Variants in ACYP2 observed in about 807,000 individuals in gnomAD.
ACYP2 encodes acylphosphatase 2.
A neutral mutation model predicts 11.2 loss-of-function variants in ACYP2; 12 were observed. The ratio of observed to expected loss-of-function variants is 1.08; its 90% confidence interval spans 0.69 to 1.74. The LOEUF is 1.74. Ranked by LOEUF, ACYP2 falls within the 40% of genes most tolerant of loss-of-function variation. The pLI, the probability that ACYP2 is intolerant of heterozygous loss-of-function variation, is 0.00. For synonymous variants in ACYP2, 43 were observed against 32.2 expected, an observed-to-expected ratio of 1.33 and a Z score of -1.13; for missense variants, 134 against 101.9, an observed-to-expected ratio of 1.31 and a Z score of -1.35.
intron 2 of ACYP2, chr2:53,973,873 GTGTGTGTGTGT>G (rs1671313166): frequency 9.0e-6 from 1 of 110,948 alleles, no homozygotes; most frequent in African/African-American, 4.5e-5. Context: ...GTGTGTGTGT[GTGTGTGTGTGT>G]GTGTGTGTGT....
intron 6 of ACYP2, among the ~76,000 whole-genome samples, chr2:54,235,398 G>C (rs989958061): frequency 6.6e-6 from 1 of 152,076 alleles, no homozygotes; most frequent in East Asian, 1.9e-4. Flanking sequence ...ACCCAGGCTG[G>C]AGTCCAGTGG....
chr2:54,207,073 GTGTC>G (rs201476082), intron 6 of ACYP2, among the ~76,000 whole-genome samples: 1 of 151,530 alleles, frequency 6.6e-6, no homozygotes, highest in East Asian at 1.9e-4. Context: ...GGGAAAGTAT[GTGTC>G]TGTATATATG....
chr2:54,250,696 TAAAAGA>T (rs1161875406), intron 6 of ACYP2, among the ~76,000 whole-genome samples: 1 of 152,198 alleles, frequency 6.6e-6, no homozygotes, highest in Non-Finnish European at 1.5e-5. Flanking sequence ...ACTCTTTATG[TAAAAGA>T]AAAACTACTT....
At chr2:54,012,742 G>T (rs566934744) in intron 2 of ACYP2, among the ~76,000 whole-genome samples, 1 of 152,108 alleles carries the variant, frequency 6.6e-6, no homozygotes, top group African/African-American at 2.4e-5. Flanking sequence ...TGCTTGGCCA[G>T]CTTTGGCACT....
chr2:54,028,906 C>G (rs1674436628), intron 2 of ACYP2, among the ~76,000 whole-genome samples: 1 of 152,180 alleles, frequency 6.6e-6, no homozygotes, highest in Non-Finnish European at 1.5e-5. Flanking sequence ...CTTCTGTAAT[C>G]CCAGAATTTT....
chr2:54,271,284 T>A (rs1191383021), intron 6 of ACYP2, among the ~76,000 whole-genome samples: 1 of 152,196 alleles, frequency 6.6e-6, no homozygotes, highest in Admixed American at 6.5e-5. Context: ...TAGGCATAGT[T>A]TCTATAATCC....
chr2:54,299,815 GAC>G (rs1689655791), intron 6 of ACYP2, among the ~76,000 whole-genome samples: 1 of 152,110 alleles, frequency 6.6e-6, no homozygotes. Flanking sequence ...CAGTGGTTTG[GAC>G]CCTGCTTGCA....
chr2:54,153,465 T>TTG (rs1690585675), intron 6 of ACYP2, among the ~76,000 whole-genome samples: 1 of 151,394 alleles, frequency 6.6e-6, no homozygotes, highest in Non-Finnish European at 1.5e-5. Flanking sequence ...TTAGGGTTTT[T>TTG]TTTTTTTTTT....
chr2:54,270,054 A>T (rs1286050844), intron 6 of ACYP2, among the ~76,000 whole-genome samples: 1 of 152,152 alleles, frequency 6.6e-6, no homozygotes, highest in Non-Finnish European at 1.5e-5. Context: ...TAGTATGTTT[A>T]TGTCCTCTGA....
chr2:54,061,743 A>T (rs1676479275), intron 4 of ACYP2, among the ~76,000 whole-genome samples: 1 of 152,152 alleles, frequency 6.6e-6, no homozygotes, highest in South Asian at 2.1e-4. Flanking sequence ...AATACAACAC[A>T]TTTATTTTCT....
chr2:54,027,017 T>C (rs1674322693), intron 2 of ACYP2, among the ~76,000 whole-genome samples: 1 of 152,204 alleles, frequency 6.6e-6, no homozygotes, highest in South Asian at 2.1e-4. Flanking sequence ...GAACTTACCA[T>C]GTAACCAAAC....
chr2:54,041,310 A>T (rs1446917585), intron 2 of ACYP2, among the ~76,000 whole-genome samples: 1 of 152,080 alleles, frequency 6.6e-6, no homozygotes, highest in Non-Finnish European at 1.5e-5. Flanking sequence ...AGCCCAGAAT[A>T]TGGGCATGAT....
chr2:54,158,036 AT>A (rs1044125309), intron 6 of ACYP2, among the ~76,000 whole-genome samples: 1 of 151,236 alleles, frequency 6.6e-6, no homozygotes, highest in Non-Finnish European at 1.5e-5. Flanking sequence ...TATTATTATT[AT>A]TTTTTTGAGA....
At chr2:54,026,476 C>T (rs1164914662) in intron 2 of ACYP2, among the ~76,000 whole-genome samples, 2 of 152,090 alleles carry the variant, frequency 1.3e-5, no homozygotes, top group African/African-American at 4.8e-5. Context: ...TAAACTAGTA[C>T]AACTACTATG....
intron 4 of ACYP2, among the ~76,000 whole-genome samples, chr2:54,108,074 C>T (rs1279751934): frequency 6.6e-6 from 1 of 152,134 alleles, no homozygotes. Flanking sequence ...CTCTTGGTGC[C>T]CCACAAGCCA....
rs752301769 is a variant in ACYP2 at position 54,138,750 on chromosome 2, T to A, written c.404+2T>A. On this transcript the variant is annotated splice_donor_variant, in intron 6 of 6. Coordinates refer to ENST00000607452, the MANE Select transcript of ACYP2 (RefSeq NM_001320586.2). LOFTEE classifies it high-confidence loss of function. The stretch of plus-strand genomic sequence containing the variant: ...GCCAGAAGACAAAGTCAATTCCATG[T>A]GAGTAGTAAAATTAATAACATGTAC... 6.2e-7 allele frequency: 1 copy of A among 1,605,860 alleles called. No individual in the cohort carries two copies. The highest frequency in any genetic ancestry group is 2.2e-5 in the East Asian group (1 of 44,842).
At chr2:54,302,570 C>A (rs1032773084) in intron 6 of ACYP2, among the ~76,000 whole-genome samples, 2 of 152,170 alleles carry the variant, frequency 1.3e-5, no homozygotes, top group African/African-American at 4.8e-5. Flanking sequence ...TTATAACTTT[C>A]GATACTTTCT....
intron 6 of ACYP2, among the ~76,000 whole-genome samples, chr2:54,293,455 T>C (rs562098385): frequency 4.9e-4 from 74 of 152,254 alleles, no homozygotes; most frequent in African/African-American, 1.8e-3. Context: ...TTCCAGACTC[T>C]CACCCAACTG....
intron 2 of ACYP2, among the ~76,000 whole-genome samples, chr2:54,013,297 G>A (rs1439577154): frequency 7.0e-6 from 1 of 143,844 alleles, no homozygotes; most frequent in African/African-American, 2.7e-5. Flanking sequence ...GTGTGTGTGT[G>A]TGTGTGTGTG....
Sources: allele counts gnomAD v4.1 joint callset (sites outside exome capture counted in the v4.1 genomes callset), GRCh38; gene constraint gnomAD v4.1.1; transcripts MANE v1.5; gene names NCBI Gene and HGNC (gene_info 2026-07-23, HGNC 2026-07-21).